The following CCND3 variants were observed in gnomAD, a reference collection of about 807,000 sequenced individuals.
The protein encoded by CCND3 is cyclin D3.
A neutral mutation model predicts 28.7 loss-of-function variants in CCND3; 9 were observed. The observed-to-expected ratio is 0.31, with a 90% confidence interval of 0.19 to 0.55. The LOEUF is 0.55. CCND3 is among the 20% of genes least tolerant of loss of function. The pLI is 0.93. For synonymous variants in CCND3, 164 were observed against 163.9 expected (o/e 1.00, Z 0.00); for missense variants, 315 against 385.8 (o/e 0.82, Z 1.54).
At chr6:41,953,153 T>G (rs1396516836) in intron 1 of CCND3, among the ~76,000 whole-genome samples, 1 of 150,198 alleles carries the variant, frequency 6.7e-6, no homozygotes, top group Non-Finnish European at 1.5e-5. Flanking sequence ...TAATCCCAGC[T>G]ACTTGGGAGG....
intron 1 of CCND3, among the ~76,000 whole-genome samples, chr6:42,003,769 T>G (rs997226931): frequency 1.3e-5 from 2 of 151,154 alleles, no homozygotes; most frequent in Non-Finnish European, 2.9e-5. Flanking sequence ...TGAAACCCCA[T>G]CTCTACAAAA....
chr6:41,991,314 C>T (rs1762642801), intron 1 of CCND3, among the ~76,000 whole-genome samples: 1 of 152,204 alleles, frequency 6.6e-6, no homozygotes, highest in Non-Finnish European at 1.5e-5. Flanking sequence ...CCGCCTTGGT[C>T]TCCCAAAGTG....
At chr6:41,951,044 A>C (rs1480609554) in intron 1 of CCND3, among the ~76,000 whole-genome samples, 1 of 151,994 alleles carries the variant, frequency 6.6e-6, no homozygotes, top group East Asian at 1.9e-4. Context: ...TCTAAAGTGC[A>C]TGATATGATG....
chr6:42,031,132 T>C (rs72855218), intron 1 of CCND3: 1 of 152,378 alleles, frequency 6.6e-6, no homozygotes, highest in South Asian at 2.1e-4. Flanking sequence ...GGAGACTTCC[T>C]GCTCTGGCCA....
In CCND3 at chr6:42,033,966, G is replaced by A. The variant is rs558859470; in HGVS notation, c.-46+14535C>T. Reference sequence around the variant, plus strand: ...GGTCAGGATTTTGAGACCAGCCTGGGCAACATAGAAGAAACGCTGTTGCTA... The same window carrying A: ...GGTCAGGATTTTGAGACCAGCCTGGACAACATAGAAGAAACGCTGTTGCTA... On this transcript the variant is annotated intron_variant, in intron 1 of 4. Transcript: ENST00000372988. Among the ~76,000 whole-genome samples, 3 of 152,264 alleles carry A rather than the reference G, an allele frequency of 2.0e-5. No homozygotes were observed. The South Asian group carries it at 6.2e-4, about 32-fold the overall frequency.
intron 1 of CCND3, among the ~76,000 whole-genome samples, chr6:41,971,834 G>A (rs1214594510): frequency 6.7e-6 from 1 of 150,098 alleles, no homozygotes; most frequent in African/African-American, 2.4e-5. Context: ...CACCGCACCC[G>A]GCCTTCCTTT....
rs571083311 is a variant in CCND3, at chr6:41,955,501, C to T, written c.-45-14916G>A. ...AAAGTGTTTGATAAAAGTCAACATCCATTCATAAGAAAAAACTCTTGGCAA... is the reference window on the plus strand; with the variant it reads ...AAAGTGTTTGATAAAAGTCAACATCTATTCATAAGAAAAAACTCTTGGCAA... On this transcript the variant is annotated intron_variant, in intron 1 of 4. Transcript: ENST00000372988. 6.2e-5 allele frequency among the ~76,000 whole-genome samples: 9 copies of T among 146,020 alleles called. No individual in the cohort carries two copies. In the East Asian group the frequency reaches 1.7e-3, roughly 27 times the overall value.
intron 1 of CCND3, among the ~76,000 whole-genome samples, chr6:41,997,967 C>T (rs1250865772): frequency 1.8e-5 from 2 of 113,568 alleles, no homozygotes; most frequent in African/African-American, 6.8e-5. Context: ...ATGGCAAAAC[C>T]CAGTATCTAC....
At chr6:41,959,550 G>A (rs1430344413) in intron 1 of CCND3, among the ~76,000 whole-genome samples, 1 of 151,672 alleles carries the variant, frequency 6.6e-6, no homozygotes, top group Non-Finnish European at 1.5e-5. Flanking sequence ...TGGGCGTGGT[G>A]GTGTGTGCCT....
chr6:41,935,662 T>C lies in CCND3; in HGVS notation c.*278A>G, dbSNP rs1414482043. On this transcript the variant is annotated 3_prime_UTR_variant, in exon 5 of 5. Transcript: ENST00000372991. ...GAATGCTGGTGTATGTATCCAATTC[T>C]GTCCCATCAGCCTGGCCCACCCCCA... 5 of 534,882 alleles carry C rather than the reference T, an allele frequency of 9.3e-6. No homozygotes were observed. Among genetic ancestry groups the C allele is most frequent in the African/African-American group, 1.9e-5 (1 of 53,098 alleles). 33.1% of individuals were successfully genotyped at this position (534,882 alleles called of 1,614,324 possible). A position where few individuals can be genotyped will look rare whatever the true frequency, so the allele number is the denominator to read the frequency against.
chr6:41,949,945 A>T (rs1776262769), intron 1 of CCND3, among the ~76,000 whole-genome samples: 1 of 151,686 alleles, frequency 6.6e-6, no homozygotes, highest in South Asian at 2.1e-4. Flanking sequence ...ATATCAAAAA[A>T]AAAAAAAAAT....
At chr6:41,954,940 T>C (rs77883842) in intron 1 of CCND3, among the ~76,000 whole-genome samples, 7 of 152,172 alleles carry the variant, frequency 4.6e-5, no homozygotes, top group African/African-American at 1.7e-4. Flanking sequence ...TCCTCCCTGA[T>C]GATGTTATTA....
At chr6:41,998,243 G>A (rs1428648347) in intron 1 of CCND3, among the ~76,000 whole-genome samples, 1 of 147,012 alleles carries the variant, frequency 6.8e-6, no homozygotes, top group Non-Finnish European at 1.5e-5. Context: ...AGCTGAGATC[G>A]CACCACTGTA....
chr6:41,937,786 T>C (rs1355927970), intron 2 of CCND3: 2 of 215,332 alleles, frequency 9.3e-6, no homozygotes, highest in Non-Finnish European at 1.9e-5. Flanking sequence ...GGCTCTCTTC[T>C]GGGATGAAGC....
At chr6:41,954,551 C>CAA (rs34116961) in intron 1 of CCND3, among the ~76,000 whole-genome samples, 1 of 122,622 alleles carries the variant, frequency 8.2e-6, no homozygotes, top group African/African-American at 3.1e-5. Context: ...GACTCTGTCT[C>CAA]AAAAAAAAAA....
At chr6:42,000,234 CTTTTTTTTTTTTTTTTT>C (rs70987562) in intron 1 of CCND3, among the ~76,000 whole-genome samples, 18 of 51,012 alleles carry the variant, frequency 3.5e-4, no homozygotes, top group Non-Finnish European at 5.0e-4. Context: ...TGAAAACATA[CTTTTTTTTTTTTTTTTT>C]TTTTTTTTTT....
chr6:41,937,630 A>G, intron 2 of CCND3: 1 of 575,824 alleles, frequency 1.7e-6, no homozygotes, highest in Non-Finnish European at 3.1e-6. Context: ...CATGCTTTAC[A>G]TGGATTATCC....
chr6:41,957,392 C>T (rs1776464602), intron 1 of CCND3, among the ~76,000 whole-genome samples: 1 of 152,230 alleles, frequency 6.6e-6, no homozygotes, highest in African/African-American at 2.4e-5. Context: ...CCTAGCACTC[C>T]AGCCCACCTC....
At chr6:41,980,732 A>G (rs781547665) in intron 1 of CCND3, among the ~76,000 whole-genome samples, 2 of 152,234 alleles carry the variant, frequency 1.3e-5, no homozygotes, top group African/African-American at 2.4e-5. Flanking sequence ...TCAACATTTG[A>G]AAATCAATTA....
Sources: allele counts gnomAD v4.1 joint callset (sites outside exome capture counted in the v4.1 genomes callset), GRCh38; gene constraint gnomAD v4.1.1; transcripts MANE v1.5; gene names NCBI Gene and HGNC (gene_info 2026-07-23, HGNC 2026-07-21).